The following PLXNC1 variants were observed in gnomAD, a reference collection of about 807,000 sequenced individuals.
PLXNC1 encodes the protein plexin C1.
PLXNC1 carries 75 observed loss-of-function variants against 178.2 expected under a neutral mutation model. The observed-to-expected ratio is 0.42, with a 90% CI of 0.35 to 0.51. The LOEUF (loss-of-function observed/expected upper bound fraction) is 0.51, where lower values mean the gene tolerates loss of function less well. Ranked by LOEUF, PLXNC1 falls within the 20% of genes least tolerant of loss-of-function variation. The pLI, the probability that PLXNC1 is intolerant of heterozygous loss-of-function variation, is 0.02. For missense variants in PLXNC1, 1,503 were observed against 1,984.4 expected (o/e 0.76, Z 4.61); for synonymous variants, 790 against 779.9 (o/e 1.01, Z -0.22).
At chr12:94,205,344 G>A (rs1213656495) in intron 4 of PLXNC1, among the ~76,000 whole-genome samples, 1 of 152,162 alleles carries the variant, frequency 6.6e-6, no homozygotes, top group Non-Finnish European at 1.5e-5. Flanking sequence ...ACTACCAGCT[G>A]AGCAGAAACA....
chr12:94,255,622 A>C (rs1260318178), intron 17 of PLXNC1, among the ~76,000 whole-genome samples: 1 of 152,208 alleles, frequency 6.6e-6, no homozygotes, highest in Non-Finnish European at 1.5e-5. Context: ...TAGTTTATTT[A>C]AAAATCAATA....
intron 3 of PLXNC1, among the ~76,000 whole-genome samples, chr12:94,185,763 G>A (rs1962486170): frequency 6.6e-6 from 1 of 152,198 alleles, no homozygotes; most frequent in Non-Finnish European, 1.5e-5. Flanking sequence ...TCCACATTGA[G>A]TGCCAAACTC....
At chr12:94,210,148 T>G (rs1042377931) in intron 5 of PLXNC1, among the ~76,000 whole-genome samples, 28 of 152,230 alleles carry the variant, frequency 1.8e-4, no homozygotes, top group Non-Finnish European at 3.5e-4. Flanking sequence ...GCTTCCCCAG[T>G]AACCATCTTA....
chr12:94,226,532 T>A, intron 7 of PLXNC1, 73 bp from the exon 8 acceptor site: 3 of 940,704 alleles, frequency 3.2e-6, no homozygotes, highest in Admixed American at 1.8e-5. Context: ...GCATGCCACA[T>A]CACAGAGGGA....
intron 17 of PLXNC1, among the ~76,000 whole-genome samples, chr12:94,256,483 T>A (rs1964843896): frequency 6.8e-6 from 1 of 148,068 alleles, no homozygotes; most frequent in Admixed American, 6.7e-5. Context: ...CCTCCAAGAG[T>A]ACCGAGGCAC....
intron 3 of PLXNC1, among the ~76,000 whole-genome samples, chr12:94,182,214 T>C (rs6538486): frequency 0.097 from 14,680 of 152,108 alleles, 995 homozygotes; most frequent in African/African-American, 0.19. Flanking sequence ...GTGCATAGAA[T>C]TGTGTACATA....
rs1365310743 is a variant in PLXNC1, at chr12:94,247,887, T to C, written c.2389-16T>C. 1 of 1,611,432 alleles carries C rather than the reference T, an allele frequency of 6.2e-7. No individual in the cohort carries two copies. The highest frequency in any genetic ancestry group is 8.5e-7 in the Non-Finnish European group (1 of 1,178,328). On this transcript the variant is annotated splice_polypyrimidine_tract_variant and intron_variant, in intron 12 of 30. Coordinates refer to ENST00000258526, the MANE Select transcript of PLXNC1 (RefSeq NM_005761.3). ...CGTTAACAAAGTTACTAAAACATTC[T>C]TTTCTTTTTGTCCAGGTCTCTGAAT...
intron 24 of PLXNC1, among the ~76,000 whole-genome samples, chr12:94,296,894 G>A (rs1967974820): frequency 6.6e-6 from 1 of 152,152 alleles, no homozygotes; most frequent in Non-Finnish European, 1.5e-5. Context: ...CACATAGGAG[G>A]TGTTCTAGGT....
intron 23 of PLXNC1, among the ~76,000 whole-genome samples, chr12:94,284,106 AAAGC>A (rs1231889522): frequency 6.6e-6 from 1 of 151,762 alleles, no homozygotes; most frequent in Non-Finnish European, 1.5e-5. Flanking sequence ...AAAAAAAAAA[AAAGC>A]AGGGTTTGCA....
rs573218684 is a variant in PLXNC1 at position 94,193,997 on chromosome 12, G to C, written c.1439+7524G>C. ...AATTTATAAAGAAAAGAGGTTAGTT[G>C]GCTCATGGTTCTGCTGGCTGTACAG... On this transcript the variant is annotated intron_variant, in intron 4 of 30. Coordinates refer to ENST00000258526, the MANE Select transcript of PLXNC1 (RefSeq NM_005761.3). Among the ~76,000 whole-genome samples the C allele has an allele frequency of 1.1e-4, 17 of 152,276 alleles. 1 individual carries two copies. The East Asian group carries it at 1.7e-3, about 16-fold the overall frequency.
In PLXNC1 at chr12:94,227,238, C is replaced by T. The variant is rs781367152; in HGVS notation, c.1980+3C>T. On this transcript the variant is annotated splice_donor_region_variant and intron_variant, in intron 9 of 30. Transcript: ENST00000258526. ...ACAGAACCAACCAGGCTTTACAGGTCAGACCCTATTTTTGTGTGGTTGAGG... is the reference window on the plus strand; with the variant it reads ...ACAGAACCAACCAGGCTTTACAGGTTAGACCCTATTTTTGTGTGGTTGAGG... The T allele has an allele frequency of 1.3e-6, 2 of 1,588,098 alleles. No homozygotes were observed. The highest frequency in any genetic ancestry group is 3.3e-5 in the Admixed American group (2 of 59,950).
chr12:94,230,167 T>C (rs1964059674), intron 9 of PLXNC1, among the ~76,000 whole-genome samples: 1 of 152,192 alleles, frequency 6.6e-6, no homozygotes, highest in African/African-American at 2.4e-5. Flanking sequence ...ATTTTATCAT[T>C]TCAATAATTT....
chr12:94,265,320 C>G, intron 21 of PLXNC1, 95 bp downstream of exon 21: 2 of 1,142,742 alleles, frequency 1.8e-6, no homozygotes, highest in Non-Finnish European at 1.3e-6. Context: ...ACGGTATCAT[C>G]TCTACTGCGG....
intron 9 of PLXNC1, among the ~76,000 whole-genome samples, chr12:94,232,925 C>G (rs1565822134): frequency 6.6e-6 from 1 of 152,166 alleles, no homozygotes; most frequent in Non-Finnish European, 1.5e-5. Context: ...AGAGTTTTAA[C>G]CATTACCCTA....
chr12:94,213,890 G>A (rs1281748640), intron 5 of PLXNC1, among the ~76,000 whole-genome samples: 2 of 140,968 alleles, frequency 1.4e-5, no homozygotes, highest in African/African-American at 2.7e-5. Flanking sequence ...TTTTTGAGAT[G>A]GAGTCTTGCT....
At chr12:94,301,702 T>TA (rs752306139) in intron 28 of PLXNC1, among the ~76,000 whole-genome samples, 3 of 152,118 alleles carry the variant, frequency 2.0e-5, no homozygotes, top group African/African-American at 4.8e-5. Context: ...GGCAGGACTT[T>TA]AAGAGTACCT....
chr12:94,253,911 T>C (rs1323772160), intron 15 of PLXNC1, among the ~76,000 whole-genome samples: 1 of 152,134 alleles, frequency 6.6e-6, no homozygotes, highest in African/African-American at 2.4e-5. Context: ...ACCCCTAGCC[T>C]CAAGGCATGC....
rs1296971639 is a variant in PLXNC1 at position 94,260,487 on chromosome 12, G to C, written c.3252-155G>C. 6.8e-6 allele frequency among the ~76,000 whole-genome samples: 1 copy of C among 146,458 alleles called. No individual in the cohort carries two copies. The highest frequency in any genetic ancestry group is 2.0e-4 in the East Asian group (1 of 5,004). ...AAACACAGAAAATGTTCTAGAGATA[G>C]AAGTGGTTAGAATCTAAACATTAAA... On this transcript the variant is annotated intron_variant, in intron 19 of 30. Transcript: ENST00000258526. This position sits in a 1 kb window ranked among gnomAD's most constrained non-coding sequence, Gnocchi z 4.4.
intron 17 of PLXNC1, among the ~76,000 whole-genome samples, chr12:94,257,515 T>C (rs1964877468): frequency 6.6e-6 from 1 of 152,196 alleles, no homozygotes; most frequent in South Asian, 2.1e-4. Flanking sequence ...GGCTCAAGCC[T>C]GTAATCCCAG....
Sources: allele counts gnomAD v4.1 joint callset (sites outside exome capture counted in the v4.1 genomes callset), GRCh38; gene constraint gnomAD v4.1.1; non-coding constraint Gnocchi (gnomAD v3.1); transcripts MANE v1.5; gene names NCBI Gene and HGNC (gene_info 2026-07-23, HGNC 2026-07-21).